DNAI2: variants seen among roughly 807,000 people sequenced by gnomAD.
DNAI2 encodes the protein dynein, axonemal, intermediate polypeptide 2.
In DNAI2, 63 loss-of-function variants were observed where a neutral mutation model predicts 74.7. The observed-to-expected ratio is 0.84, with a 90% confidence interval of 0.69 to 1.04. DNAI2 has a LOEUF of 1.04. DNAI2 is among the 50% of genes least tolerant of loss of function. The pLI is 0.00. For missense variants in DNAI2, 688 were observed against 803.2 expected (o/e 0.86, Z 1.73); for synonymous variants, 289 against 314.9 (o/e 0.92, Z 0.87).
Position 74,300,270 on chromosome 17 carries a change from T to C in DNAI2, c.864+413T>C, listed in dbSNP as rs2052686087. 6.6e-6 allele frequency among the ~76,000 whole-genome samples: 1 copy of C among 152,052 alleles called. No homozygotes were observed. Among genetic ancestry groups the C allele is most frequent in the Non-Finnish European group, 1.5e-5 (1 of 68,010 alleles). The stretch of plus-strand genomic sequence containing the variant: ...CCTAACACTTTATTTTTAAGTTGAG[T>C]AGTGATAATACATGCCCACGGAACA... On this transcript the variant is annotated intron_variant, in intron 7 of 13. Transcript: ENST00000311014. The surrounding 1 kb of genome is among the most constrained non-coding windows in gnomAD (Gnocchi z 4.5).
intron 1 of DNAI2, among the ~76,000 whole-genome samples, chr17:74,280,042 C>T (rs552486137): frequency 1.1e-4 from 16 of 152,162 alleles, no homozygotes; most frequent in Admixed American, 3.3e-4. Flanking sequence ...GGCTGGCAGA[C>T]GGAAATCTCT....
At chr17:74,307,703 T>TA (rs59546087) in intron 9 of DNAI2, among the ~76,000 whole-genome samples, 1,483 of 142,012 alleles carry the variant, frequency 0.01, 22 homozygotes, top group African/African-American at 0.037. Flanking sequence ...ATCTGAATTT[T>TA]AAAAAAAAAA....
rs58369361 is a variant in DNAI2, at chr17:74,304,337, G to T, written c.988-882G>T. ...TTCACCAGCTGCAGAGGACATCTGAGCCCGTTGACAAAGGCCCTCCCCTCA... is the reference window on the plus strand; with the variant it reads ...TTCACCAGCTGCAGAGGACATCTGATCCCGTTGACAAAGGCCCTCCCCTCA... On this transcript the variant is annotated intron_variant, in intron 8 of 13. Transcript: ENST00000311014. Among the ~76,000 whole-genome samples, 3 of 151,636 alleles carry T rather than the reference G, an allele frequency of 2.0e-5. No homozygotes were observed. The South Asian group carries it at 6.3e-4, about 32-fold the overall frequency.
intron 1 of DNAI2, among the ~76,000 whole-genome samples, chr17:74,275,454 G>A (rs1056305239): frequency 6.6e-6 from 1 of 152,152 alleles, no homozygotes; most frequent in African/African-American, 2.4e-5. Flanking sequence ...AGCTGGGTGC[G>A]GTTTTCACAC....
intron 1 of DNAI2, among the ~76,000 whole-genome samples, chr17:74,279,770 C>G (rs926268226): frequency 6.6e-6 from 1 of 152,210 alleles, no homozygotes; most frequent in Non-Finnish European, 1.5e-5. Flanking sequence ...CTCAAGTGAT[C>G]CACCGGCCTC....
intron 8 of DNAI2, among the ~76,000 whole-genome samples, chr17:74,303,348 C>T (rs143656953): frequency 3.9e-4 from 59 of 152,234 alleles, no homozygotes; most frequent in African/African-American, 1.3e-3. Context: ...GGCTCACTGA[C>T]GGGCGGCGTG....
chr17:74,291,283 C>T, intron 6 of DNAI2, 150 bp downstream of exon 6: 1 of 651,474 alleles, frequency 1.5e-6, no homozygotes, highest in African/African-American at 1.8e-5. Context: ...GCCTCAGCCT[C>T]CCGAGTCGCT....
intron 1 of DNAI2, among the ~76,000 whole-genome samples, chr17:74,280,449 C>G (rs1033597900): frequency 6.6e-6 from 1 of 152,192 alleles, no homozygotes; most frequent in Admixed American, 6.5e-5. Context: ...ACCAGTAGCA[C>G]GCGTCAGAGG....
At chr17:74,304,350 G>C (rs2053060382) in intron 8 of DNAI2, among the ~76,000 whole-genome samples, 2 of 151,638 alleles carry the variant, frequency 1.3e-5, no homozygotes, top group South Asian at 4.2e-4. Flanking sequence ...CGTTGACAAA[G>C]GCCCTCCCCT....
In DNAI2 at chr17:74,307,338, C is replaced by A. The variant is rs1359570367; in HGVS notation, c.1211+1896C>A. ...GAACCTGGGTCTCCCTTGTCCTCCT[C>A]CTGCATAAGGTTAAACAAATTTAGC... On this transcript the variant is annotated intron_variant, in intron 9 of 13. Coordinates refer to ENST00000311014, the MANE Select transcript of DNAI2 (RefSeq NM_023036.6). The A allele has an allele frequency of 1.1e-5, 5 of 455,684 alleles. No homozygotes were observed. The Admixed American group carries it at 1.2e-4, about 11-fold the overall frequency. The allele number at this position is 455,684 out of a possible 1,614,324, so 28.2% of individuals were successfully genotyped here.
intron 13 of DNAI2, 48 bp from the exon 14 acceptor site, chr17:74,314,541 A>T (rs1156253199): frequency 2.8e-6 from 1 of 353,148 alleles, no homozygotes; most frequent in East Asian, 6.6e-5. Flanking sequence ...CCTGGGATTC[A>T]GCTTCTCACA....
chr17:74,305,494 G>C (rs752504916), intron 9 of DNAI2, 52 bp downstream of exon 9: 316 of 1,571,508 alleles, frequency 2.0e-4, no homozygotes, highest in Admixed American at 3.5e-4. Context: ...GGAGGGGATG[G>C]AGGGAGCCCA....
Position 74,301,105 on chromosome 17 carries a change from C to A in DNAI2, c.924C>A (p.Ile308=), listed in dbSNP as rs747748164. The change falls in exon 8 of 14, where the codon ATC becomes ATA. Residue 308 remains isoleucine, a synonymous_variant. Transcript: ENST00000311014. ...CCACTGAAGTTGTGATCTTGGACAT[C>A]ACCAAGAAGGAACAGTTGGAAAATG... ...SEPTEVVILD[I]TKKEQLENAL... is the part of the protein sequence containing the mutation. 8 of 1,614,144 alleles carry A rather than the reference C, an allele frequency of 5.0e-6. No individual in the cohort carries two copies. Among genetic ancestry groups the A allele is most frequent in the Non-Finnish European group, 6.8e-6 (8 of 1,180,008 alleles).
intron 2 of DNAI2, among the ~76,000 whole-genome samples, chr17:74,284,029 T>C (rs2051541934): frequency 6.7e-6 from 1 of 150,154 alleles, no homozygotes; most frequent in South Asian, 2.1e-4. Flanking sequence ...TCCCAGCTAC[T>C]GGGGAGGCTG....
At position 74,305,227 on chromosome 17, in the gene DNAI2, G is replaced by C. The variant is rs1372121005; in HGVS notation, c.996G>C (p.Lys332Asn). 6.2e-7 allele frequency: 1 copy of C among 1,614,024 alleles called. No homozygotes were observed. The highest frequency in any genetic ancestry group is 8.5e-7 in the Non-Finnish European group (1 of 1,180,042). ...TGTCACTCCTTCCACAGCCCACCAA[G>C]TTCATGGTGGGGACCGAGCAGGGCA... is the stretch of plus-strand genomic sequence containing the variant. ...SLEFESTLPTKFMVGTEQGIV... is the reference protein window; with the variant it reads ...SLEFESTLPTNFMVGTEQGIV... The change falls in exon 9 of 14, where the codon AAG (lysine) becomes AAC (asparagine). Residue 332 changes from lysine to asparagine, a missense_variant. Physicochemically the swap from Lys to Asn is moderately conservative, Grantham distance 94. Transcript: ENST00000311014.
chr17:74,296,541 G>A (rs1025464722), intron 6 of DNAI2, among the ~76,000 whole-genome samples: 5 of 152,050 alleles, frequency 3.3e-5, no homozygotes, highest in Non-Finnish European at 4.4e-5. Flanking sequence ...TAAGCTTTTC[G>A]GTAGGTCTAT....
chr17:74,297,409 G>C (rs1239049466), intron 6 of DNAI2, among the ~76,000 whole-genome samples: 1 of 62,988 alleles, frequency 1.6e-5, no homozygotes, highest in Non-Finnish European at 3.1e-5. Flanking sequence ...TTTTTTTTTT[G>C]AGACAGGGTC....
chr17:74,280,452 G>A (rs535037734), intron 1 of DNAI2, among the ~76,000 whole-genome samples: 1 of 152,180 alleles, frequency 6.6e-6, no homozygotes, highest in African/African-American at 2.4e-5. Context: ...AGTAGCACGC[G>A]TCAGAGGCTT....
Position 74,309,226 on chromosome 17 carries a change from AACCATGATGTGGTCT to A in DNAI2, c.1212-23_1212-9del, listed in dbSNP as rs767957813. On this transcript the variant is annotated splice_polypyrimidine_tract_variant and intron_variant, in intron 9 of 13. Coordinates refer to ENST00000311014, the MANE Select transcript of DNAI2 (RefSeq NM_023036.6). ...GTGGCTCAGAAGCCTCTGTCCCTCCAACCATGATGTGGTCTACCTCCCACAGGTACCACATGGCTT... is the reference window on the plus strand; with the variant it reads ...GTGGCTCAGAAGCCTCTGTCCCTCCAACCTCCCACAGGTACCACATGGCTT... 16 of 1,613,750 alleles carry A rather than the reference AACCATGATGTGGTCT, an allele frequency of 9.9e-6. No individual in the cohort carries two copies. Among genetic ancestry groups the A allele is most frequent in the Non-Finnish European group, 1.4e-5 (16 of 1,179,814 alleles).
Sources: gnomAD v4.1 joint callset for allele counts (sites outside exome capture counted in the v4.1 genomes callset) on GRCh38, gnomAD v4.1.1 for gene constraint, Gnocchi (gnomAD v3.1) non-coding constraint, MANE v1.5 for transcripts, NCBI Gene and HGNC (gene_info 2026-07-23, HGNC 2026-07-21) for gene names.